HSD17B2: variants seen among roughly 807,000 people sequenced by gnomAD.
HSD17B2 encodes the protein hydroxysteroid 17-beta dehydrogenase 2, also known as 17-beta-hydroxysteroid dehydrogenase type 2.
HSD17B2 carries 32 observed loss-of-function variants against 26.9 expected under a neutral mutation model. That is an observed-to-expected ratio of 1.19 (90% CI 0.90 to 1.60). The LOEUF is 1.60. Among genes scored for constraint, HSD17B2 ranks in the 40% most tolerant of loss-of-function variants. HSD17B2 has a pLI of 0.00. For synonymous variants in HSD17B2, 246 were observed against 186.7 expected (o/e 1.32, Z -2.59); for missense variants, 613 against 468.6 (o/e 1.31, Z -2.85).
intron 2 of HSD17B2, among the ~76,000 whole-genome samples, chr16:82,069,354 G>T (rs1019374752): frequency 1.3e-5 from 2 of 152,244 alleles, no homozygotes; most frequent in Middle Eastern, 6.8e-3. Flanking sequence ...TTGCTTTTGT[G>T]ACTAGGGCTG....
At chr16:82,040,990 T>C (rs1437544828) in intron 1 of HSD17B2, among the ~76,000 whole-genome samples, 5 of 152,224 alleles carry the variant, frequency 3.3e-5, no homozygotes, top group Non-Finnish European at 4.4e-5. Context: ...TCCCCACTTA[T>C]CATGCGGTTT....
Position 82,070,711 on chromosome 16 carries a change from A to G in HSD17B2, c.479-231A>G, listed in dbSNP as rs534053526. 1.3e-4 allele frequency: 69 copies of G among 537,310 alleles called. 1 individual carries two copies. The South Asian group carries it at 2.0e-3, about 15-fold the overall frequency. 33.3% of individuals were successfully genotyped at this position (537,310 alleles called of 1,614,324 possible). ...TTAGTAAATTCTGAAGAGTTTCTGG[A>G]ACAGAATATTCTACTTTACATCTCT... On this transcript the variant is annotated intron_variant, in intron 2 of 4. Transcript: ENST00000199936.
intron 3 of HSD17B2, among the ~76,000 whole-genome samples, chr16:82,089,134 C>T (rs1021179553): frequency 3.9e-5 from 6 of 152,072 alleles, no homozygotes; most frequent in African/African-American, 1.2e-4. Flanking sequence ...GTTCATAGCA[C>T]CCCCACCCTT....
intron 3 of HSD17B2, among the ~76,000 whole-genome samples, chr16:82,072,872 A>G (rs1914728369): frequency 1.3e-5 from 2 of 152,190 alleles, no homozygotes; most frequent in South Asian, 2.1e-4. Context: ...CCTGGGCAAC[A>G]TAGTGAGACC....
chr16:82,087,999 G>A (rs1046412734), intron 3 of HSD17B2, among the ~76,000 whole-genome samples: 1 of 152,106 alleles, frequency 6.6e-6, no homozygotes, highest in African/African-American at 2.4e-5. Context: ...TTCAACATAC[G>A]CTTTTGGAGG....
At chr16:82,085,943 T>A (rs1405909556) in intron 3 of HSD17B2, among the ~76,000 whole-genome samples, 1 of 137,932 alleles carries the variant, frequency 7.2e-6, no homozygotes, top group Non-Finnish European at 1.7e-5. Flanking sequence ...CACCCTAAGA[T>A]GGCTATAATA....
intron 3 of HSD17B2, among the ~76,000 whole-genome samples, chr16:82,085,976 C>T (rs1289348646): frequency 6.6e-6 from 1 of 151,452 alleles, no homozygotes; most frequent in Non-Finnish European, 1.5e-5. Context: ...ACAGAAAAAA[C>T]ACATGTTGGT....
chr16:82,044,105 G>C (rs549547306), intron 1 of HSD17B2, among the ~76,000 whole-genome samples: 41 of 152,186 alleles, frequency 2.7e-4, no homozygotes, highest in Admixed American at 9.2e-4. Flanking sequence ...AGCCTCCTCT[G>C]AACCATTTCC....
chr16:82,054,050 C>G (rs1914189948), intron 1 of HSD17B2, among the ~76,000 whole-genome samples: 1 of 152,050 alleles, frequency 6.6e-6, no homozygotes, highest in Non-Finnish European at 1.5e-5. Flanking sequence ...ATGCCTTCAA[C>G]AGCATGTCTA....
At chr16:82,067,221 C>A (rs923127976) in intron 1 of HSD17B2, among the ~76,000 whole-genome samples, 5 of 152,192 alleles carry the variant, frequency 3.3e-5, no homozygotes, top group African/African-American at 9.7e-5. Context: ...TGTCTGACTA[C>A]CAACAAGAGA....
chr16:82,090,801 T>A, intron 3 of HSD17B2, 101 bp from the exon 4 acceptor site: 1 of 1,170,696 alleles, frequency 8.5e-7, no homozygotes, highest in Non-Finnish European at 1.2e-6. Flanking sequence ...CCCAAGTCAC[T>A]GATACCAGTT....
chr16:82,042,202 G>A (rs913739456), intron 1 of HSD17B2, among the ~76,000 whole-genome samples: 4 of 151,940 alleles, frequency 2.6e-5, no homozygotes, highest in Admixed American at 1.3e-4. Flanking sequence ...AGGGGGTTAC[G>A]CCATTTTGAC....
At chr16:82,050,007 C>T (rs757086964) in intron 1 of HSD17B2, among the ~76,000 whole-genome samples, 2 of 152,248 alleles carry the variant, frequency 1.3e-5, no homozygotes, top group African/African-American at 2.4e-5. Flanking sequence ...TCAAGTTTAC[C>T]TGATCTAAGG....
chr16:82,087,115 T>C (rs1482409017), intron 3 of HSD17B2, among the ~76,000 whole-genome samples: 1 of 152,158 alleles, frequency 6.6e-6, no homozygotes, highest in African/African-American at 2.4e-5. Context: ...ACACAAACAT[T>C]AAGTCCATAA....
chr16:82,040,564 C>T (rs1008084685), intron 1 of HSD17B2, among the ~76,000 whole-genome samples: 1 of 152,162 alleles, frequency 6.6e-6, no homozygotes, highest in Non-Finnish European at 1.5e-5. Context: ...GGTATTAGAC[C>T]ACAAAGGTTA....
intron 1 of HSD17B2, among the ~76,000 whole-genome samples, chr16:82,036,677 A>G (rs1344533165): frequency 6.6e-6 from 1 of 152,156 alleles, no homozygotes; most frequent in Non-Finnish European, 1.5e-5. Context: ...TTGAAACAAA[A>G]TGCAAATTGG....
chr16:82,079,496 T>C (rs781311418), intron 3 of HSD17B2, among the ~76,000 whole-genome samples: 2 of 152,254 alleles, frequency 1.3e-5, no homozygotes, highest in Non-Finnish European at 2.9e-5. Context: ...ACCACTCTTA[T>C]GATCCCGTTT....
intron 3 of HSD17B2, among the ~76,000 whole-genome samples, chr16:82,074,858 G>T (rs1027689416): frequency 6.6e-6 from 1 of 152,152 alleles, no homozygotes; most frequent in African/African-American, 2.4e-5. Context: ...GGACCTAATT[G>T]TTATTTACAG....
chr16:82,094,336 T>C (rs959760078), intron 4 of HSD17B2: 5 of 152,232 alleles, frequency 3.3e-5, no homozygotes, highest in Admixed American at 2.6e-4. Flanking sequence ...TTTTCTAAAA[T>C]ATTGCTCCAA....
Sources: allele counts gnomAD v4.1 joint callset (sites outside exome capture counted in the v4.1 genomes callset), GRCh38; gene constraint gnomAD v4.1.1; transcripts MANE v1.5; gene names NCBI Gene and HGNC (gene_info 2026-07-23, HGNC 2026-07-21).